Variants in AFTPH observed in about 807,000 individuals in gnomAD.
AFTPH encodes aftiphilin.
In AFTPH, 7 loss-of-function variants were observed where a neutral mutation model predicts 72.5. The observed-to-expected ratio is 0.10, with a 90% CI of 0.05 to 0.18. The LOEUF is 0.18. Among genes scored for constraint, AFTPH ranks in the 10% least tolerant of loss-of-function variants. The pLI, the probability that AFTPH is intolerant of heterozygous loss-of-function variation, is 1.00. For missense variants in AFTPH, 979 were observed against 1,060.5 expected, an observed-to-expected ratio of 0.92 and a Z score of 1.07; for synonymous variants, 337 against 370.1, an observed-to-expected ratio of 0.91 and a Z score of 1.03.
At chr2:64,546,934 AG>A (rs1670671839) in intron 1 of AFTPH, among the ~76,000 whole-genome samples, 1 of 151,710 alleles carries the variant, frequency 6.6e-6, no homozygotes, top group Non-Finnish European at 1.5e-5. Context: ...CTGTAGTCCC[AG>A]CTGCTTGGGA....
intron 2 of AFTPH, among the ~76,000 whole-genome samples, chr2:64,555,866 C>T (rs1364408202): frequency 1.3e-5 from 2 of 152,250 alleles, no homozygotes; most frequent in East Asian, 3.9e-4. Flanking sequence ...TCTTGGGCTT[C>T]AGATTCTGCT....
intron 2 of AFTPH, among the ~76,000 whole-genome samples, chr2:64,554,601 T>C (rs1410728236): frequency 6.6e-6 from 1 of 152,244 alleles, no homozygotes; most frequent in Non-Finnish European, 1.5e-5. Context: ...AATTATGGTA[T>C]TACCAGTTGG....
intron 1 of AFTPH, among the ~76,000 whole-genome samples, chr2:64,549,666 G>T (rs906126210): frequency 4.6e-5 from 7 of 151,846 alleles, no homozygotes; most frequent in Non-Finnish European, 8.8e-5. Context: ...CAGAGGAATA[G>T]AATAACTCAG....
chr2:64,569,754 C>A, intron 5 of AFTPH, 75 bp downstream of exon 5: 2 of 1,313,128 alleles, frequency 1.5e-6, no homozygotes, highest in Non-Finnish European at 2.2e-6. Flanking sequence ...AAATACACTT[C>A]TATGTCATGC....
At chr2:64,551,100 CT>C (rs1671018198) in intron 1 of AFTPH, among the ~76,000 whole-genome samples, 1 of 152,174 alleles carries the variant, frequency 6.6e-6, no homozygotes, top group Non-Finnish European at 1.5e-5. Flanking sequence ...AGAATAAGCA[CT>C]TACCCCAGGA....
chr2:64,569,779 T>A, intron 5 of AFTPH, 100 bp downstream of exon 5: 1 of 1,111,492 alleles, frequency 9.0e-7, no homozygotes, highest in Non-Finnish European at 1.3e-6. Flanking sequence ...TAAGAGACAT[T>A]TAGTGTTGGA....
intron 1 of AFTPH, among the ~76,000 whole-genome samples, chr2:64,527,371 G>A (rs971997538): frequency 6.6e-5 from 10 of 152,000 alleles, no homozygotes; most frequent in Non-Finnish European, 1.2e-4. Flanking sequence ...ACCTGAGGTC[G>A]GGAGTTCAAA....
intron 6 of AFTPH, among the ~76,000 whole-genome samples, chr2:64,573,662 ACT>A (rs535499445): frequency 2.6e-3 from 388 of 151,786 alleles, no homozygotes; most frequent in South Asian, 6.7e-3. Context: ...AAAATAGAAA[ACT>A]CTTTTTTTTT....
At chr2:64,587,162 C>T (rs1182090106) in intron 8 of AFTPH, among the ~76,000 whole-genome samples, 1 of 152,208 alleles carries the variant, frequency 6.6e-6, no homozygotes, top group African/African-American at 2.4e-5. Context: ...CAAGCCCTAT[C>T]ACTTTAAGAA....
At chr2:64,539,020 A>G (rs1413514278) in intron 1 of AFTPH, among the ~76,000 whole-genome samples, 1 of 152,076 alleles carries the variant, frequency 6.6e-6, no homozygotes, top group African/African-American at 2.4e-5. Flanking sequence ...GTAGTTTGTT[A>G]CTTTGTTTTT....
intron 1 of AFTPH, among the ~76,000 whole-genome samples, chr2:64,530,890 C>T (rs575351514): frequency 1.1e-4 from 17 of 151,728 alleles, no homozygotes; most frequent in Non-Finnish European, 7.4e-5. Context: ...GGTAAAACCC[C>T]GTCTCTACTA....
At chr2:64,585,088 A>G (rs547847234) in intron 7 of AFTPH, among the ~76,000 whole-genome samples, 1 of 152,348 alleles carries the variant, frequency 6.6e-6, no homozygotes, top group Admixed American at 6.5e-5. Context: ...AAACATTGAT[A>G]ATTTTATATC....
rs149007684 is a variant in AFTPH, at chr2:64,589,102, T to C, written c.2580-2783T>C. On this transcript the variant is annotated intron_variant, in intron 8 of 8. Coordinates refer to ENST00000238856, the Ensembl canonical transcript of AFTPH. ...TTTTTCTTGTGATTTAGGTATCATA[T>C]CTAAGAAATCATTGCCCAATTCATG... Among the ~76,000 whole-genome samples the C allele has an allele frequency of 2.0e-3, 301 of 152,340 alleles. 2 individuals carry two copies. Among genetic ancestry groups the C allele is most frequent in the South Asian group, 8.1e-3 (39 of 4,822 alleles).
intron 1 of AFTPH, among the ~76,000 whole-genome samples, chr2:64,537,129 TA>T (rs11406645): frequency 4.6e-5 from 7 of 151,654 alleles, no homozygotes; most frequent in Non-Finnish European, 7.4e-5. Context: ...AGCTGCTTTT[TA>T]AAAAATTGAA....
At chr2:64,586,826 G>A (rs953465341) in intron 8 of AFTPH, among the ~76,000 whole-genome samples, 6 of 151,670 alleles carry the variant, frequency 4.0e-5, no homozygotes, top group Non-Finnish European at 5.9e-5. Flanking sequence ...TCTTCAAATC[G>A]AAACTCCTCT....
rs374476929 is a variant in AFTPH, at chr2:64,573,011, C to T, written c.2337C>T (p.Ile779=). The stretch of plus-strand genomic sequence containing the variant: ...CTGCTGCAGAAAAAATAGCTTCCAT[C>T]GGTCAGACAGCCACCATGTCACCAG... Residue 779 remains isoleucine (I), a synonymous_variant, in exon 6 of 9, where the codon ATC becomes ATT. Transcript: ENST00000238856. 1.4e-5 allele frequency: 22 copies of T among 1,613,966 alleles called. No homozygotes were observed. The Admixed American group carries it at 1.5e-4, about 11-fold the overall frequency.
At chr2:64,528,448 G>A (rs1269104179) in intron 1 of AFTPH, among the ~76,000 whole-genome samples, 2 of 152,122 alleles carry the variant, frequency 1.3e-5, no homozygotes. Flanking sequence ...GTACATATTT[G>A]GGACAAATAA....
At chr2:64,531,655 C>T (rs1209711623) in intron 1 of AFTPH, among the ~76,000 whole-genome samples, 3 of 152,154 alleles carry the variant, frequency 2.0e-5, no homozygotes, top group Non-Finnish European at 4.4e-5. Context: ...TGAAATGAAA[C>T]TAGCCCAAAT....
chr2:64,553,401 T>G, exon 2 of AFTPH: 1 of 1,577,368 alleles, frequency 6.3e-7, no homozygotes, highest in African/African-American at 1.4e-5. Flanking sequence ...ATCAGCCACT[T>G]CAGTTCAGGT....
Sources: allele counts gnomAD v4.1 joint callset (sites outside exome capture counted in the v4.1 genomes callset), GRCh38; gene constraint gnomAD v4.1.1; transcripts MANE v1.5; gene names NCBI Gene and HGNC (gene_info 2026-07-23, HGNC 2026-07-21).